Variants in FKBP5 observed in about 807,000 individuals in gnomAD.
The protein encoded by FKBP5 is FKBP prolyl isomerase 5, also known as peptidyl-prolyl cis-trans isomerase FKBP5.
Under a neutral mutation model 50.5 loss-of-function variants are expected in FKBP5, and 23 were observed. The ratio of observed to expected loss-of-function variants is 0.46; its 90% CI spans 0.33 to 0.65. FKBP5 has a LOEUF of 0.65. Ranked by LOEUF, FKBP5 falls within the 30% of genes least tolerant of loss-of-function variation. The probability of loss-of-function intolerance (pLI) is 0.02; values close to 1 mark genes in which losing one functional copy is unlikely to be tolerated. For missense variants in FKBP5, 411 were observed against 553.1 expected (o/e 0.74, Z 2.58); for synonymous variants, 176 against 190.6 (o/e 0.92, Z 0.63).
At chr6:35,676,583 C>A (rs1765527741) in intron 1 of FKBP5, among the ~76,000 whole-genome samples, 1 of 152,202 alleles carries the variant, frequency 6.6e-6, no homozygotes, top group African/African-American at 2.4e-5. Flanking sequence ...TTATTTTTCT[C>A]TTTTTTCCAC....
At chr6:35,701,453 C>T (rs1429683851) in intron 2 of FKBP5, among the ~76,000 whole-genome samples, 1 of 151,606 alleles carries the variant, frequency 6.6e-6, no homozygotes, top group Admixed American at 6.6e-5. Context: ...CCGTTTTAGC[C>T]GGGATGGTCT....
intron 9 of FKBP5, among the ~76,000 whole-genome samples, chr6:35,578,575 C>T (rs1009849052): frequency 2.2e-4 from 33 of 152,050 alleles, no homozygotes; most frequent in Admixed American, 8.5e-4. Context: ...GGAAACCAGC[C>T]GGGCCAACAT....
At chr6:35,602,794 G>A (rs1018615150) in intron 5 of FKBP5, among the ~76,000 whole-genome samples, 2 of 152,140 alleles carry the variant, frequency 1.3e-5, no homozygotes, top group Non-Finnish European at 2.9e-5. Context: ...GATGCTAACA[G>A]GCGTGGAACC....
intron 5 of FKBP5, among the ~76,000 whole-genome samples, chr6:35,603,578 T>C (rs1763211329): frequency 2.0e-5 from 3 of 152,204 alleles, no homozygotes; most frequent in African/African-American, 7.2e-5. Context: ...ACAAATTTTA[T>C]ATTGATATGG....
chr6:35,675,820 A>C (rs1765510660), intron 1 of FKBP5, among the ~76,000 whole-genome samples: 1 of 152,198 alleles, frequency 6.6e-6, no homozygotes, highest in Admixed American at 6.5e-5. Flanking sequence ...TAGGATTTTA[A>C]CTTATATTTT....
At chr6:35,720,842 T>C (rs2817032) in intron 1 of FKBP5, among the ~76,000 whole-genome samples, 36,628 of 152,146 alleles carry the variant, frequency 0.24, 4,871 homozygotes, top group South Asian at 0.37. Context: ...TTCCGGGCAC[T>C]GTGCTGACCC....
chr6:35,597,144 G>T, intron 6 of FKBP5, 104 bp downstream of exon 6: 1 of 1,230,354 alleles, frequency 8.1e-7, no homozygotes, highest in Non-Finnish European at 1.2e-6. Flanking sequence ...TGTTTCCGTT[G>T]TTGGATTAAC....
chr6:35,637,295 C>T, intron 2 of FKBP5, 137 bp from the exon 3 acceptor site: 2 of 714,306 alleles, frequency 2.8e-6, no homozygotes, highest in South Asian at 1.8e-5. Context: ...CTAATGCCTC[C>T]CTTCATTCCT....
chr6:35,727,844 C>A (rs947903664), intron 1 of FKBP5, among the ~76,000 whole-genome samples: 2 of 152,308 alleles, frequency 1.3e-5, no homozygotes, highest in Middle Eastern at 3.4e-3. Flanking sequence ...CTCCCTCCCC[C>A]AGCTGTGCTA....
upstream of FKBP5, among the ~76,000 whole-genome samples, chr6:35,690,331 G>A (rs1397538087): frequency 6.6e-6 from 1 of 151,996 alleles, no homozygotes; most frequent in Non-Finnish European, 1.5e-5. Flanking sequence ...AAAATTAGCC[G>A]GGCATGGTGG....
chr6:35,645,644 T>G (rs1389608820), intron 1 of FKBP5, among the ~76,000 whole-genome samples: 1 of 152,186 alleles, frequency 6.6e-6, no homozygotes, highest in African/African-American at 2.4e-5. Context: ...TGATATAGTA[T>G]TATGGTTTTA....
At chr6:35,671,471 G>A (rs1436177366) in intron 1 of FKBP5, among the ~76,000 whole-genome samples, 1 of 151,798 alleles carries the variant, frequency 6.6e-6, no homozygotes, top group Admixed American at 6.6e-5. Context: ...ATATTAAAAG[G>A]TCCCCACTTT....
At chr6:35,580,318 G>C (rs1762385132) in intron 8 of FKBP5, 97 bp from the exon 9 acceptor site, 1 of 920,252 alleles carries the variant, frequency 1.1e-6, no homozygotes. Context: ...AGCAAACCCT[G>C]GTACAGCTGG....
intron 1 of FKBP5, among the ~76,000 whole-genome samples, chr6:35,723,169 G>T (rs1199190407): frequency 1.3e-5 from 2 of 152,120 alleles, no homozygotes; most frequent in Non-Finnish European, 2.9e-5. Flanking sequence ...GGAGGCAGAG[G>T]TTGCAGTGAG....
At chr6:35,593,815 A>G (rs1227263928) in intron 6 of FKBP5, among the ~76,000 whole-genome samples, 1 of 151,730 alleles carries the variant, frequency 6.6e-6, no homozygotes, top group African/African-American at 2.4e-5. Flanking sequence ...TCGGCCTCCC[A>G]AAGTGCTGGG....
rs1763748524 is a variant in FKBP5 at position 35,619,127 on chromosome 6, A to C, written c.477T>G (p.Tyr159Ter). ...IRRTKRKGEG[Y>*]SNPNEGATVE... ...CTGTTGCTCCTTCGTTTGGATTTGA[A>C]TATCCCTCTCCTTTCCGTTTGGTTC... is the stretch of plus-strand genomic sequence containing the variant. The change falls in exon 5 of 11, where the codon TAT becomes TAG. Residue 159 changes from tyrosine to a stop codon, truncating the protein, a stop_gained. Coordinates refer to ENST00000357266, the MANE Select transcript of FKBP5 (RefSeq NM_004117.4). LOFTEE classifies it high-confidence loss of function. The C allele has an allele frequency of 6.2e-7, 1 of 1,613,560 alleles. No homozygotes were observed. The highest frequency in any genetic ancestry group is 1.3e-5 in the African/African-American group (1 of 74,888).
chr6:35,595,924 G>C (rs991166344), intron 6 of FKBP5, among the ~76,000 whole-genome samples: 1 of 152,174 alleles, frequency 6.6e-6, no homozygotes, highest in South Asian at 2.1e-4. Context: ...GGGGGCTATA[G>C]TTAGTGGAAA....
At chr6:35,663,712 TC>T (rs1765137076) in intron 1 of FKBP5, among the ~76,000 whole-genome samples, 2 of 152,214 alleles carry the variant, frequency 1.3e-5, no homozygotes, top group Non-Finnish European at 2.9e-5. Context: ...GCTCACTCCC[TC>T]ACTCGCTTCA....
At chr6:35,596,318 C>T (rs1363404823) in intron 6 of FKBP5, among the ~76,000 whole-genome samples, 1 of 152,120 alleles carries the variant, frequency 6.6e-6, no homozygotes, top group East Asian at 1.9e-4. Flanking sequence ...CATGCCACTG[C>T]ACTCTAGCCT....
Sources: gnomAD v4.1 joint callset for allele counts (sites outside exome capture counted in the v4.1 genomes callset) on GRCh38, gnomAD v4.1.1 for gene constraint, MANE v1.5 for transcripts, NCBI Gene and HGNC (gene_info 2026-07-23, HGNC 2026-07-21) for gene names.